Variants in MAML3 observed in about 807,000 individuals in gnomAD.
The protein encoded by MAML3 is mastermind like transcriptional coactivator 3, also known as mastermind-like protein 3.
Under a neutral mutation model 101.9 loss-of-function variants are expected in MAML3, and 27 were observed. That is an observed-to-expected ratio of 0.27 (90% confidence interval 0.20 to 0.37). MAML3 has a LOEUF of 0.37. Among genes scored for constraint, MAML3 ranks in the 10% least tolerant of loss-of-function variants. MAML3 has a pLI of 1.00. For missense variants in MAML3, 1,316 were observed against 1,444.9 expected (o/e 0.91, Z 1.45); for synonymous variants, 501 against 555.9 (o/e 0.90, Z 1.39).
Position 139,720,244 on chromosome 4 carries a change from G to C in MAML3, c.2496C>G (p.Asn832Lys). The C allele has an allele frequency of 1.2e-6, 2 of 1,605,580 alleles. No homozygotes were observed. Among genetic ancestry groups the C allele is most frequent in the Non-Finnish European group, 1.7e-6 (2 of 1,174,108 alleles). Residue 832 changes from asparagine to lysine, a missense_variant, in exon 5 of 5, where the codon AAC becomes AAG. Transcript: ENST00000509479. The part of the protein sequence containing the change: ...SMRTSRLMAQ[N>K]AGMMGIGPSQ... ...AGGGTCCTATTCCCATCATGCCTGCGTTCTGTGCCATCAGCCGTGACGTTC... is the reference window on the plus strand; with the variant it reads ...AGGGTCCTATTCCCATCATGCCTGCCTTCTGTGCCATCAGCCGTGACGTTC...
intron 1 of MAML3, among the ~76,000 whole-genome samples, chr4:139,939,987 A>G (rs1379789724): frequency 1.3e-5 from 2 of 152,012 alleles, no homozygotes; most frequent in Non-Finnish European, 2.9e-5. Flanking sequence ...GCTGGTCTCG[A>G]ACTCCTGACC....
chr4:139,901,772 G>A (rs1384260049), intron 1 of MAML3, among the ~76,000 whole-genome samples: 7 of 152,226 alleles, frequency 4.6e-5, no homozygotes, highest in Non-Finnish European at 7.3e-5. Context: ...TGGAAGGAGG[G>A]AGGCGGGAAG....
At chr4:139,826,235 C>T (rs1731058750) in intron 2 of MAML3, among the ~76,000 whole-genome samples, 1 of 152,052 alleles carries the variant, frequency 6.6e-6, no homozygotes, top group South Asian at 2.1e-4. Context: ...AGGTCAATGT[C>T]CCTTCTACCC....
At chr4:139,893,140 A>T (rs1732538111) in intron 1 of MAML3, among the ~76,000 whole-genome samples, 1 of 151,944 alleles carries the variant, frequency 6.6e-6, no homozygotes, top group South Asian at 2.1e-4. Context: ...GAATTCTTTC[A>T]CCTTTACGGT....
intron 2 of MAML3, among the ~76,000 whole-genome samples, chr4:139,757,159 C>T (rs1004407070): frequency 6.6e-6 from 1 of 152,150 alleles, no homozygotes; most frequent in Admixed American, 6.5e-5. Context: ...ATGAGAGAAT[C>T]AGGGCGTTTT....
intron 2 of MAML3, among the ~76,000 whole-genome samples, chr4:139,885,641 AGGCCG>A (rs1204961157): frequency 6.6e-6 from 1 of 151,482 alleles, no homozygotes; most frequent in Non-Finnish European, 1.5e-5. Flanking sequence ...AAAAAAAAGT[AGGCCG>A]GGCGCCGTGG....
intron 1 of MAML3, among the ~76,000 whole-genome samples, chr4:140,116,199 A>T (rs761005000): frequency 6.6e-6 from 1 of 152,192 alleles, no homozygotes; most frequent in African/African-American, 2.4e-5. Flanking sequence ...TATAAGGCAA[A>T]AAGCCTTATG....
chr4:139,779,062 T>C (rs1026181851), intron 2 of MAML3, among the ~76,000 whole-genome samples: 1 of 151,882 alleles, frequency 6.6e-6, no homozygotes, highest in African/African-American at 2.4e-5. Flanking sequence ...TGATTCAGAA[T>C]TGGACAAAAG....
chr4:140,150,638 G>C (rs2077126050), intron 1 of MAML3, among the ~76,000 whole-genome samples: 1 of 152,116 alleles, frequency 6.6e-6, no homozygotes. Context: ...ATGCGCGTGG[G>C]GTGTACAAAT....
chr4:139,969,402 T>A (rs1441018083), intron 1 of MAML3, among the ~76,000 whole-genome samples: 1 of 152,016 alleles, frequency 6.6e-6, no homozygotes. Flanking sequence ...CATTTTTGCA[T>A]CAGAAAAATA....
chr4:139,886,388 T>A (rs920554136), intron 2 of MAML3, among the ~76,000 whole-genome samples: 5 of 152,094 alleles, frequency 3.3e-5, no homozygotes, highest in Non-Finnish European at 7.4e-5. Flanking sequence ...TGATAGAAAG[T>A]TTAGAAAATT....
chr4:139,727,328 G>A (rs1314322841), intron 3 of MAML3, among the ~76,000 whole-genome samples: 1 of 152,204 alleles, frequency 6.6e-6, no homozygotes, highest in Non-Finnish European at 1.5e-5. Context: ...CTTTTAGGCA[G>A]CAATAGAAGG....
chr4:139,917,577 A>C (rs1157048162), intron 1 of MAML3, among the ~76,000 whole-genome samples: 2 of 152,236 alleles, frequency 1.3e-5, no homozygotes, highest in Non-Finnish European at 2.9e-5. Context: ...GAAGAGAATT[A>C]GATTTGATCT....
chr4:139,742,160 TTTTTTTG>T, intron 2 of MAML3, among the ~76,000 whole-genome samples: 4 of 145,068 alleles, frequency 2.8e-5, no homozygotes, highest in Non-Finnish European at 6.1e-5. Flanking sequence ...TTTTTTTTTT[TTTTTTTG>T]AGAGAGAGTC....
chr4:140,034,585 T>C (rs1362633513), intron 1 of MAML3, among the ~76,000 whole-genome samples: 1 of 152,194 alleles, frequency 6.6e-6, no homozygotes, highest in Admixed American at 6.5e-5. Context: ...TTGTGCTAGA[T>C]GCTCCATAAC....
intron 1 of MAML3, among the ~76,000 whole-genome samples, chr4:139,924,103 G>C (rs1464661863): frequency 6.6e-6 from 1 of 152,072 alleles, no homozygotes; most frequent in Non-Finnish European, 1.5e-5. Flanking sequence ...TGATACCAAC[G>C]CCAAACTTCT....
At chr4:140,135,252 A>G (rs151301622) in intron 1 of MAML3, among the ~76,000 whole-genome samples, 1 of 152,354 alleles carries the variant, frequency 6.6e-6, no homozygotes, top group Admixed American at 6.5e-5. Context: ...CGAATACTCT[A>G]TCTCCTTTCT....
intron 2 of MAML3, among the ~76,000 whole-genome samples, chr4:139,884,938 G>C (rs1732297045): frequency 6.6e-6 from 1 of 152,224 alleles, no homozygotes; most frequent in African/African-American, 2.4e-5. Flanking sequence ...AGAAGAGAGA[G>C]AGATCCTGCC....
intron 2 of MAML3, among the ~76,000 whole-genome samples, chr4:139,782,104 C>T (rs553834114): frequency 3.3e-5 from 5 of 152,194 alleles, no homozygotes; most frequent in East Asian, 3.9e-4. Context: ...TAAATCATGA[C>T]GAGTCAAATC....
Sources: allele counts gnomAD v4.1 joint callset (sites outside exome capture counted in the v4.1 genomes callset), GRCh38; gene constraint gnomAD v4.1.1; transcripts MANE v1.5; gene names NCBI Gene and HGNC (gene_info 2026-07-23, HGNC 2026-07-21).